SNRNP27: variants seen among roughly 807,000 people sequenced by gnomAD.
SNRNP27 encodes the protein U4/U6.U5 small nuclear ribonucleoprotein 27 kDa protein.
Under a neutral mutation model 25.1 loss-of-function variants are expected in SNRNP27, and 22 were observed. The observed-to-expected ratio is 0.88, with a 90% CI of 0.63 to 1.25. The LOEUF (loss-of-function observed/expected upper bound fraction) is 1.25. Among genes scored for constraint, SNRNP27 ranks in the 50% most tolerant of loss-of-function variants. The pLI is 0.00. For synonymous variants in SNRNP27, 66 were observed against 64.9 expected (o/e 1.02, Z -0.08); for missense variants, 150 against 202.3 (o/e 0.74, Z 1.57).
intron 4 of SNRNP27, 99 bp downstream of exon 4, chr2:69,897,555 G>A (rs1676626691): frequency 4.2e-6 from 4 of 954,916 alleles, no homozygotes; most frequent in African/African-American, 1.6e-5. Context: ...TTGGTTATAA[G>A]ACAATAACTA....
At chr2:69,898,904 A>G (rs1676647019) in intron 4 of SNRNP27, among the ~76,000 whole-genome samples, 1 of 152,222 alleles carries the variant, frequency 6.6e-6, no homozygotes, top group Non-Finnish European at 1.5e-5. Flanking sequence ...GTGAAATGTA[A>G]GTTTATTAAG....
At chr2:69,897,591 A>G in intron 4 of SNRNP27, 135 bp downstream of exon 4, 1 of 693,032 alleles carries the variant, frequency 1.4e-6, no homozygotes, top group Admixed American at 2.7e-5. Context: ...TTGAGAATAC[A>G]AAGGAGGAAA....
intron 5 of SNRNP27, chr2:69,903,452 T>C (rs1676743819): frequency 1.9e-6 from 1 of 515,278 alleles, no homozygotes; most frequent in Middle Eastern, 5.2e-4. Flanking sequence ...AGAGGGTAGT[T>C]GGCTTAAATA....
At chr2:69,895,284 C>G (rs1354106787) in intron 2 of SNRNP27, 70 bp downstream of exon 2, 1 of 1,565,604 alleles carries the variant, frequency 6.4e-7, no homozygotes, top group African/African-American at 1.4e-5. Context: ...CAGCTCTTAA[C>G]TTTGTTTTCA....
chr2:69,901,911 G>A (rs1324390271), intron 4 of SNRNP27, among the ~76,000 whole-genome samples: 1 of 152,208 alleles, frequency 6.6e-6, no homozygotes, highest in Non-Finnish European at 1.5e-5. Flanking sequence ...GCCATGATAT[G>A]AGAATATTAT....
chr2:69,901,750 G>A (rs1676703771), intron 4 of SNRNP27, among the ~76,000 whole-genome samples: 1 of 152,162 alleles, frequency 6.6e-6, no homozygotes, highest in Non-Finnish European at 1.5e-5. Flanking sequence ...GAGCCCAGGA[G>A]TTTGAGGCTG....
intron 3 of SNRNP27, among the ~76,000 whole-genome samples, chr2:69,896,753 ACCTCCG>A (rs1482721393): frequency 6.7e-6 from 1 of 150,072 alleles, no homozygotes; most frequent in Non-Finnish European, 1.5e-5. Context: ...GCTCACTGCA[ACCTCCG>A]CCTCCTGGGT....
intron 3 of SNRNP27, 29 bp from the exon 4 acceptor site, chr2:69,897,348 A>C: frequency 2.1e-6 from 3 of 1,456,268 alleles, no homozygotes; most frequent in Non-Finnish European, 2.9e-6. Context: ...GAAATGATAG[A>C]GAGGTCACAA....
intron 4 of SNRNP27, among the ~76,000 whole-genome samples, chr2:69,899,901 A>T (rs983536254): frequency 6.6e-6 from 1 of 151,584 alleles, no homozygotes; most frequent in South Asian, 2.1e-4. Flanking sequence ...TAATGTTTTT[A>T]TTTTTTGCAG....
chr2:69,897,130 A>G (rs1404667551), intron 3 of SNRNP27, among the ~76,000 whole-genome samples: 2 of 103,332 alleles, frequency 1.9e-5, no homozygotes, highest in African/African-American at 1.3e-4. Context: ...CTTAATATGA[A>G]ACCCAGGTTT....
At chr2:69,897,538 A>G (rs957804009) in intron 4 of SNRNP27, 82 bp downstream of exon 4, 3 of 1,122,334 alleles carry the variant, frequency 2.7e-6, no homozygotes, top group South Asian at 2.6e-5. Flanking sequence ...CATTTATACA[A>G]ATTTATTTGG....
At chr2:69,904,105 A>G (rs1676753770) in intron 5 of SNRNP27, 149 bp from the exon 6 acceptor site, 1 of 489,298 alleles carries the variant, frequency 2.0e-6, no homozygotes, top group Non-Finnish European at 3.6e-6. Context: ...TAATCTCTAA[A>G]TATACATTAA....
In SNRNP27 at chr2:69,898,892, G is replaced by A. The variant is rs185782977; in HGVS notation, c.348+1436G>A. On this transcript the variant is annotated intron_variant, in intron 4 of 5. Coordinates refer to ENST00000244227, the MANE Select transcript of SNRNP27 (RefSeq NM_006857.3). Reference sequence around the variant, plus strand: ...ATGAAAGTTTATTAAGATATATGTTGGGTGAAATGTAAGTTTATTAAGATA... The same window carrying A: ...ATGAAAGTTTATTAAGATATATGTTAGGTGAAATGTAAGTTTATTAAGATA... Among the ~76,000 whole-genome samples, 10 of 152,242 alleles carry A rather than the reference G, an allele frequency of 6.6e-5. No homozygotes were observed. The East Asian group carries it at 1.3e-3, about 21-fold the overall frequency.
At chr2:69,895,948 T>C (rs904307264) in intron 2 of SNRNP27, among the ~76,000 whole-genome samples, 4 of 150,524 alleles carry the variant, frequency 2.7e-5, no homozygotes, top group African/African-American at 9.8e-5. Flanking sequence ...ACATTAGAAA[T>C]GGGCTCTGAG....
intron 4 of SNRNP27, 119 bp from the exon 5 acceptor site, chr2:69,903,062 C>G (rs1676737205): frequency 1.3e-6 from 1 of 785,606 alleles, no homozygotes; most frequent in Admixed American, 1.9e-5. Context: ...CCCACCTTAG[C>G]CTTCCGCCAA....
rs1302210565 is a variant in SNRNP27 at position 69,904,578 on chromosome 2, G to A, written c.*270G>A. On this transcript the variant is annotated 3_prime_UTR_variant, in exon 6 of 6. Coordinates refer to ENST00000244227, the MANE Select transcript of SNRNP27 (RefSeq NM_006857.3). ...CCTTATTCCTGTGGAAGCAGTATAT[G>A]TTTTCTTCCTGAATGCTCATTAGGA... 1.8e-6 allele frequency: 1 copy of A among 559,904 alleles called. No individual in the cohort carries two copies. Among genetic ancestry groups the A allele is most frequent in the East Asian group, 3.1e-5 (1 of 32,542 alleles). The allele number at this position is 559,904 out of a possible 1,614,324, so 34.7% of individuals were successfully genotyped here. A position where few individuals can be genotyped will look rare whatever the true frequency, so the allele number is the denominator to read the frequency against.
chr2:69,903,396 G>A, intron 5 of SNRNP27, 151 bp downstream of exon 5: 1 of 635,662 alleles, frequency 1.6e-6, no homozygotes, highest in Non-Finnish European at 2.7e-6. Flanking sequence ...ATTCTGGTGT[G>A]TTAAAATTGT....
At position 69,896,437 on chromosome 2, in the gene SNRNP27, T is replaced by A. The variant is rs1392481196; in HGVS notation, c.157T>A (p.Ser53Thr). The A allele has an allele frequency of 6.2e-7, 1 of 1,611,034 alleles. No homozygotes were observed. Among genetic ancestry groups the A allele is most frequent in the Non-Finnish European group, 8.5e-7 (1 of 1,178,868 alleles). The change falls in exon 3 of 6, where the codon TCT becomes ACT. Residue 53 changes from serine to threonine, a missense_variant and splice_region_variant. By Grantham distance (58) the Ser-to-Thr change is moderately conservative (BLOSUM62 1). Transcript: ENST00000244227. ...AACATCTTTGCTTATAAATATTAGATCTCCAAGACGACATAGATCCACATC... is the reference window on the plus strand; with the variant it reads ...AACATCTTTGCTTATAAATATTAGAACTCCAAGACGACATAGATCCACATC... ...SRSPHRRRSR[S>T]PRRHRSTSPS...
In SNRNP27 at chr2:69,903,260, C is replaced by T. The variant is rs749714905; in HGVS notation, c.413+15C>T. 1.9e-6 allele frequency: 3 copies of T among 1,580,020 alleles called. No homozygotes were observed. The highest frequency in any genetic ancestry group is 2.6e-6 in the Non-Finnish European group (3 of 1,149,590). ...AGGAAGTACAGGTATGCATAGCCCCCATTATTATGTTTGAACTAATAAATC... is the reference window on the plus strand; with the variant it reads ...AGGAAGTACAGGTATGCATAGCCCCTATTATTATGTTTGAACTAATAAATC... On this transcript the variant is annotated intron_variant, in intron 5 of 5. Transcript: ENST00000244227.
Sources: allele counts gnomAD v4.1 joint callset (sites outside exome capture counted in the v4.1 genomes callset), GRCh38; gene constraint gnomAD v4.1.1; transcripts MANE v1.5; gene names NCBI Gene and HGNC (gene_info 2026-07-23, HGNC 2026-07-21).